Variants in MED24 observed in about 807,000 individuals in gnomAD.
The protein encoded by MED24 is mediator complex subunit 24.
Under a neutral mutation model 118.8 loss-of-function variants are expected in MED24, and 74 were observed. That is an observed-to-expected ratio of 0.62 (90% CI 0.52 to 0.76). The LOEUF is 0.76. MED24 is among the 30% of genes least tolerant of loss of function. MED24 has a pLI of 0.00. For missense variants in MED24, 1,041 were observed against 1,278.9 expected (o/e 0.81, Z 2.84); for synonymous variants, 521 against 523.9 (o/e 0.99, Z 0.08).
chr17:40,037,065 C>A (rs1402334239), intron 3 of MED24, among the ~76,000 whole-genome samples: 1 of 152,158 alleles, frequency 6.6e-6, no homozygotes, highest in African/African-American at 2.4e-5. Context: ...CCTGTAATCT[C>A]AGCTACTTGG....
At chr17:40,041,467 C>T (rs1258519057) in intron 3 of MED24, among the ~76,000 whole-genome samples, 1 of 152,188 alleles carries the variant, frequency 6.6e-6, no homozygotes, top group Non-Finnish European at 1.5e-5. Flanking sequence ...GCTTTGATTA[C>T]CATCAGTAGC....
intron 20 of MED24, 96 bp from the exon 21 acceptor site, chr17:40,022,922 G>A (rs1038850559): frequency 3.3e-5 from 48 of 1,442,252 alleles, no homozygotes; most frequent in South Asian, 9.1e-5. Flanking sequence ...AGTAAGGCCC[G>A]CAGAGGGGGC....
intron 3 of MED24, among the ~76,000 whole-genome samples, chr17:40,036,637 G>A (rs1261695409): frequency 1.4e-5 from 2 of 144,130 alleles, no homozygotes; most frequent in Non-Finnish European, 1.5e-5. Context: ...GCAGTGAGCC[G>A]AGATTGTGCC....
Position 40,027,461 on chromosome 17 carries a change from T to C in MED24, c.1452A>G (p.Lys484=). ...FTTYGSEEST[K]PASVRALLFD... The stretch of plus-strand genomic sequence containing the variant: ...ACAGCAGGGCCCGGACGGAGGCCGG[T>C]TTGGCTGTGGAAGGACGGGAAGGCT... The change falls in exon 16 of 26, where the codon AAA becomes AAG. Residue 484 remains lysine, a synonymous_variant. Transcript: ENST00000394128. 6.2e-7 allele frequency: 1 copy of C among 1,610,802 alleles called. No individual in the cohort carries two copies. The highest frequency in any genetic ancestry group is 1.1e-5 in the South Asian group (1 of 90,402).
chr17:40,037,775 G>A (rs1984114774), intron 3 of MED24, among the ~76,000 whole-genome samples: 1 of 151,996 alleles, frequency 6.6e-6, no homozygotes, highest in Admixed American at 6.6e-5. Flanking sequence ...GCCGGGCATG[G>A]TGGCGGGTGC....
Position 40,033,405 on chromosome 17 carries a change from G to C in MED24, c.611C>G (p.Ala204Gly), listed in dbSNP as rs1302037729. The C allele has an allele frequency of 1.2e-6, 2 of 1,610,804 alleles. No individual in the cohort carries two copies. The highest frequency in any genetic ancestry group is 1.7e-6 in the Non-Finnish European group (2 of 1,178,426). Residue 204 changes from alanine to glycine, a missense_variant, in exon 7 of 26, where the codon GCC becomes GGC. Ala to Gly is a moderately conservative substitution (Grantham distance 60). Around this residue, in one of 3 missense-constraint regions of MED24, gnomAD observed 434 missense variants for 514.9 expected, o/e 0.84. Coordinates refer to ENST00000394128, the MANE Select transcript of MED24 (RefSeq NM_014815.4). The surrounding 1 kb of genome is among the most constrained non-coding windows in gnomAD (Gnocchi z 5.2). ...HSLLKLGEILANLSNPQLRSQ... is the reference protein window; with the variant it reads ...HSLLKLGEILGNLSNPQLRSQ... ...CCGGAGCTGCGGGTTGCTGAGATTGGCCAGGATCTCTCCAAGTTTCAAGAG... is the reference window on the plus strand; with the variant it reads ...CCGGAGCTGCGGGTTGCTGAGATTGCCCAGGATCTCTCCAAGTTTCAAGAG...
chr17:40,027,165 C>CTT, intron 16 of MED24, 131 bp from the exon 17 acceptor site: 4 of 1,249,416 alleles, frequency 3.2e-6, no homozygotes, highest in Non-Finnish European at 4.5e-6. Context: ...ACGAACTGGT[C>CTT]TAAGGGAGCC....
rs1451010805 is a variant in MED24, at chr17:40,026,788, G to C, written c.1710-42C>G. ...AAGTCAGCACAGGGGAGCAAGGAAC[G>C]GGCTCAGGGAGCGGGTCTTGACCCT... On this transcript the variant is annotated intron_variant, in intron 17 of 25. Coordinates refer to ENST00000394128, the MANE Select transcript of MED24 (RefSeq NM_014815.4). 11 of 1,611,212 alleles carry C rather than the reference G, an allele frequency of 6.8e-6. No homozygotes were observed. The Admixed American group carries it at 8.4e-5, about 12-fold the overall frequency.
Position 40,023,139 on chromosome 17 carries a change from G to A in MED24, c.2242C>T (p.Leu748=). 6.2e-7 allele frequency: 1 copy of A among 1,613,692 alleles called. No homozygotes were observed. The highest frequency in any genetic ancestry group is 1.1e-5 in the South Asian group (1 of 91,048). The change falls in exon 20 of 26, where the codon CTG becomes TTG. Residue 748 remains leucine (L), a synonymous_variant. Coordinates refer to ENST00000394128, the MANE Select transcript of MED24 (RefSeq NM_014815.4). ...CACTCCAGCCCAAGTACCTTAATCA[G>A]GTTGTTGCAGAACCAGTAGACGCCG... The part of the protein sequence containing the change: ...MGGVYWFCNN[L]IKELLKETRK...
At chr17:40,045,299 A>G (rs1236425091) in intron 3 of MED24, among the ~76,000 whole-genome samples, 1 of 152,010 alleles carries the variant, frequency 6.6e-6, no homozygotes, top group Admixed American at 6.6e-5. Flanking sequence ...AAATAAAAAA[A>G]TGGGCCAGGT....
At chr17:40,020,059 G>T in intron 24 of MED24, 126 bp from the exon 25 acceptor site, 3 of 1,229,626 alleles carry the variant, frequency 2.4e-6, no homozygotes, top group Non-Finnish European at 3.5e-6. Context: ...AAAATGGGGT[G>T]TCAGAGAGAG....
chr17:40,032,173 C>G (rs993695243), intron 9 of MED24, 83 bp from the exon 10 acceptor site: 2 of 1,477,466 alleles, frequency 1.4e-6, no homozygotes, highest in Non-Finnish European at 1.9e-6. Context: ...CCCCGAACCC[C>G]TGCTCCAGGA....
In MED24 at chr17:40,021,998, C is replaced by T. The variant is rs1162844241; in HGVS notation, c.2580G>A (p.Leu860=). The change falls in exon 23 of 26, where the codon CTG becomes CTA. Residue 860 remains leucine, a synonymous_variant. Coordinates refer to ENST00000394128, the MANE Select transcript of MED24 (RefSeq NM_014815.4). ...TGGCATCGTCCTCATTAGAGCTCAG[C>T]AGTCGCATCAACTTCGAAGGCTGCA... ...DDVQPSKLMR[L]LSSNEDDANI... The T allele has an allele frequency of 1.9e-6, 3 of 1,611,710 alleles. No homozygotes were observed. The highest frequency in any genetic ancestry group is 8.5e-7 in the Non-Finnish European group (1 of 1,178,942).
Position 40,028,106 on chromosome 17 carries a change from T to C in MED24, c.1410-160A>G, listed in dbSNP as rs1020296564. 16 of 745,780 alleles carry C rather than the reference T, an allele frequency of 2.1e-5. No homozygotes were observed. The East Asian group carries it at 2.9e-4, about 13-fold the overall frequency. The allele number at this position is 745,780 out of a possible 1,614,324, so 46.2% of individuals were successfully genotyped here. A position where few individuals can be genotyped will look rare whatever the true frequency, so the allele number is the denominator to read the frequency against. ...ATAGAAAAAAGGTTTTTGTGGTTTTTGTTTTTTGTTTTTTTTTTGTTTTTT... is the reference window on the plus strand; with the variant it reads ...ATAGAAAAAAGGTTTTTGTGGTTTTCGTTTTTTGTTTTTTTTTTGTTTTTT... On this transcript the variant is annotated intron_variant, in intron 14 of 25. Coordinates refer to ENST00000394128, the MANE Select transcript of MED24 (RefSeq NM_014815.4).
intron 3 of MED24, among the ~76,000 whole-genome samples, chr17:40,047,916 G>C (rs1211590008): frequency 6.6e-6 from 1 of 152,094 alleles, no homozygotes; most frequent in Non-Finnish European, 1.5e-5. Context: ...ATTTAGTAGA[G>C]ACGGGGTTTC....
chr17:40,052,983 G>A (rs1986005756), intron 3 of MED24, among the ~76,000 whole-genome samples: 2 of 152,132 alleles, frequency 1.3e-5, no homozygotes, highest in Admixed American at 1.3e-4. Flanking sequence ...GCTCTGGCTG[G>A]AGGGCAGTGG....
In MED24 at chr17:40,033,492, A is replaced by T; in HGVS notation, c.560-36T>A. The T allele has an allele frequency of 1.3e-6, 2 of 1,522,546 alleles. No individual in the cohort carries two copies. Among genetic ancestry groups the T allele is most frequent in the Non-Finnish European group, 1.8e-6 (2 of 1,119,986 alleles). The allele number at this position is 1,522,546 out of a possible 1,614,324, so 94.3% of individuals were successfully genotyped here. A position where few individuals can be genotyped will look rare whatever the true frequency, so the allele number is the denominator to read the frequency against. On this transcript the variant is annotated intron_variant, in intron 6 of 25. Transcript: ENST00000394128. The surrounding 1 kb of genome is among the most constrained non-coding windows in gnomAD (Gnocchi z 5.2). ...GAAGGAAGTACAGAAACATGATGGGAAACAGGAGAGAAGGAGCACCTGGCC... is the reference window on the plus strand; with the variant it reads ...GAAGGAAGTACAGAAACATGATGGGTAACAGGAGAGAAGGAGCACCTGGCC...
chr17:40,025,276 T>G (rs1163606353), intron 19 of MED24, among the ~76,000 whole-genome samples: 1 of 151,712 alleles, frequency 6.6e-6, no homozygotes, highest in East Asian at 1.9e-4. Context: ...AGGCCAGGAG[T>G]TCAAGACCTG....
chr17:40,019,663 A>G lies in MED24; in HGVS notation c.2854-18T>C. ...TCCGACACCTGCCACGGACAGACAG[A>G]TGCTGCTTGCGGGACGGCTGGTGGT... is the stretch of plus-strand genomic sequence containing the variant. On this transcript the variant is annotated intron_variant, in intron 25 of 25. Coordinates refer to ENST00000394128, the MANE Select transcript of MED24 (RefSeq NM_014815.4). 1 of 1,585,288 alleles carries G rather than the reference A, an allele frequency of 6.3e-7. No individual in the cohort carries two copies. The highest frequency in any genetic ancestry group is 2.3e-5 in the East Asian group (1 of 44,444).
Sources: allele counts gnomAD v4.1 joint callset (sites outside exome capture counted in the v4.1 genomes callset), GRCh38; gene constraint gnomAD v4.1.1; regional missense constraint gnomAD v4.1.1; non-coding constraint Gnocchi (gnomAD v3.1); transcripts MANE v1.5; gene names NCBI Gene and HGNC (gene_info 2026-07-23, HGNC 2026-07-21).